EXOC4: variants seen among roughly 807,000 people sequenced by gnomAD.
EXOC4 encodes exocyst complex component 4.
Under a neutral mutation model 107.2 loss-of-function variants are expected in EXOC4, and 71 were observed. The observed-to-expected ratio is 0.66, with a 90% CI of 0.55 to 0.81. The LOEUF (loss-of-function observed/expected upper bound fraction) is 0.81, where lower values mean the gene tolerates loss of function less well. Ranked by LOEUF, EXOC4 falls within the 30% of genes least tolerant of loss-of-function variation. The probability of loss-of-function intolerance (pLI) is 0.00; values close to 1 mark genes in which losing one functional copy is unlikely to be tolerated. For synonymous variants in EXOC4, 456 were observed against 441.2 expected (o/e 1.03, Z -0.42); for missense variants, 1,108 against 1,189.6 (o/e 0.93, Z 1.01).
intron 1 of EXOC4, among the ~76,000 whole-genome samples, chr7:133,273,322 TAGTCAA>T (rs1394861728): frequency 6.6e-6 from 1 of 152,212 alleles, no homozygotes; most frequent in Non-Finnish European, 1.5e-5. Flanking sequence ...TTTACTTTAA[TAGTCAA>T]ACACTTGGGT....
chr7:133,890,888 G>A (rs1799191936), intron 11 of EXOC4, among the ~76,000 whole-genome samples: 1 of 11,044 alleles, frequency 9.1e-5, no homozygotes, highest in African/African-American at 2.9e-3. Flanking sequence ...TTTGGCTTAG[G>A]ATTGACTTGG....
At chr7:134,038,467 T>A (rs1398153690) in intron 17 of EXOC4, among the ~76,000 whole-genome samples, 3 of 152,194 alleles carry the variant, frequency 2.0e-5, no homozygotes, top group Non-Finnish European at 4.4e-5. Flanking sequence ...TGTTGGACTC[T>A]CGTTTCTTTT....
chr7:133,629,884 A>G (rs1323830006), intron 9 of EXOC4, among the ~76,000 whole-genome samples, 161 bp from the exon 10 acceptor site: 4 of 152,098 alleles, frequency 2.6e-5, no homozygotes, highest in African/African-American at 4.8e-5. Flanking sequence ...AGTGAGGAAG[A>G]CCAGATGAAG....
At chr7:133,662,930 A>G (rs916904095) in intron 10 of EXOC4, among the ~76,000 whole-genome samples, 2 of 152,168 alleles carry the variant, frequency 1.3e-5, no homozygotes, top group East Asian at 1.9e-4. Flanking sequence ...CTTCGTTTTT[A>G]TAAGTATGTA....
At chr7:134,074,481 T>G in the EXOC4 span, among the ~76,000 whole-genome samples, 6 of 152,352 alleles carry the variant, frequency 3.9e-5, no homozygotes, top group African/African-American at 1.4e-4. Flanking sequence ...CATCAATTAC[T>G]TTCTCAATAA....
chr7:133,985,486 T>C (rs572269861), intron 14 of EXOC4, among the ~76,000 whole-genome samples: 1 of 152,328 alleles, frequency 6.6e-6, no homozygotes, highest in Non-Finnish European at 1.5e-5. Flanking sequence ...AACAACCTGC[T>C]GTGACTCTAA....
chr7:133,655,872 ATTG>A (rs1803280455), intron 10 of EXOC4, among the ~76,000 whole-genome samples: 1 of 152,196 alleles, frequency 6.6e-6, no homozygotes, highest in African/African-American at 2.4e-5. Flanking sequence ...AACCAGTGAC[ATTG>A]TTGTTTGTTA....
intron 14 of EXOC4, among the ~76,000 whole-genome samples, chr7:133,984,825 C>G (rs981588052): frequency 6.6e-6 from 1 of 152,090 alleles, no homozygotes; most frequent in Non-Finnish European, 1.5e-5. Flanking sequence ...CAACAACTCC[C>G]TAAGTTGTGT....
chr7:133,258,347 A>T (rs529336356), intron 1 of EXOC4, among the ~76,000 whole-genome samples: 1 of 152,268 alleles, frequency 6.6e-6, no homozygotes, highest in East Asian at 1.9e-4. Context: ...TGGTATGGTC[A>T]GGTTTTTTCA....
chr7:133,901,236 G>A (rs6976885), intron 12 of EXOC4, among the ~76,000 whole-genome samples: 94,628 of 152,024 alleles, frequency 0.62, 31,974 homozygotes, highest in African/African-American at 0.9. Flanking sequence ...TCATTCTGTC[G>A]TCAAAAAATC....
intron 3 of EXOC4, among the ~76,000 whole-genome samples, chr7:133,293,420 G>A (rs1013295567): frequency 6.6e-6 from 1 of 152,166 alleles, no homozygotes; most frequent in Non-Finnish European, 1.5e-5. Flanking sequence ...AGACATCAGA[G>A]GAAAGTGAAG....
intron 17 of EXOC4, among the ~76,000 whole-genome samples, chr7:134,045,441 T>A (rs183710015): frequency 6.6e-6 from 1 of 152,292 alleles, no homozygotes; most frequent in African/African-American, 2.4e-5. Context: ...TTGCCATATC[T>A]GTCAGCTTAC....
At position 133,475,490 on chromosome 7, in the gene EXOC4, T is replaced by C. The variant is rs1263903575; in HGVS notation, c.1328+17T>C. The stretch of plus-strand genomic sequence containing the variant: ...TCTTTTCAAGTAAGTATTATTCTGC[T>C]GTTAATAGGTTTTAAGAATTGTTAG... On this transcript the variant is annotated intron_variant, in intron 8 of 17. Coordinates refer to ENST00000253861, the MANE Select transcript of EXOC4 (RefSeq NM_021807.4). The C allele has an allele frequency of 1.2e-6, 2 of 1,609,590 alleles. No homozygotes were observed. The highest frequency in any genetic ancestry group is 2.2e-5 in the East Asian group (1 of 44,846).
intron 6 of EXOC4, among the ~76,000 whole-genome samples, chr7:133,364,204 C>CCCCTGG (rs1334514840): frequency 1.2e-3 from 187 of 152,216 alleles, no homozygotes; most frequent in South Asian, 1.7e-3. Context: ...TCATGGCTCA[C>CCCCTGG]TGTAGCCTTG....
Position 133,669,276 on chromosome 7 carries a change from A to G in EXOC4, c.1514+39135A>G, listed in dbSNP as rs185138094. Among the ~76,000 whole-genome samples, 523 of 152,096 alleles carry G rather than the reference A, an allele frequency of 3.4e-3. 3 individuals carry two copies. The highest frequency in any genetic ancestry group is 0.012 in the African/African-American group (500 of 41,532). On this transcript the variant is annotated intron_variant, in intron 10 of 17. Transcript: ENST00000253861. ...GGAGGAGCCGCGGGATGTAAGGAAA[A>G]GGAGCTCCTATGGCCTGGCTGGAGT...
intron 10 of EXOC4, among the ~76,000 whole-genome samples, chr7:133,797,267 TA>T (rs1201186559): frequency 3.3e-5 from 5 of 152,196 alleles, no homozygotes; most frequent in African/African-American, 4.8e-5. Context: ...TTTAAAGATT[TA>T]TTGTGAGCAT....
chr7:133,858,676 G>A (rs533121947), intron 11 of EXOC4, among the ~76,000 whole-genome samples: 18 of 152,250 alleles, frequency 1.2e-4, no homozygotes, highest in South Asian at 2.1e-4. Context: ...CCTGGTATGC[G>A]CAGGTGCTCA....
chr7:133,471,446 A>G (rs1195962797), intron 7 of EXOC4, among the ~76,000 whole-genome samples: 1 of 152,152 alleles, frequency 6.6e-6, no homozygotes, highest in African/African-American at 2.4e-5. Context: ...ACTAATTTGA[A>G]TATCAAAATA....
At chr7:133,642,426 A>G (rs1474203004) in intron 10 of EXOC4, among the ~76,000 whole-genome samples, 2 of 151,894 alleles carry the variant, frequency 1.3e-5, no homozygotes, top group Non-Finnish European at 2.9e-5. Context: ...TCTTCATCCT[A>G]TTTCCCTCCA....
Sources: gnomAD v4.1 joint callset for allele counts (sites outside exome capture counted in the v4.1 genomes callset) on GRCh38, gnomAD v4.1.1 for gene constraint, MANE v1.5 for transcripts, NCBI Gene and HGNC (gene_info 2026-07-23, HGNC 2026-07-21) for gene names.